Variants in MAF observed in about 807,000 individuals in gnomAD.
MAF encodes transcription factor Maf.
In MAF, 10 loss-of-function variants were observed where a neutral mutation model predicts 22.0. The observed-to-expected ratio is 0.45, with a 90% CI of 0.28 to 0.77. The LOEUF (loss-of-function observed/expected upper bound fraction) is 0.77. Ranked by LOEUF, MAF falls within the 30% of genes least tolerant of loss-of-function variation. MAF has a pLI of 0.12. For missense variants in MAF, 544 were observed against 548.4 expected (o/e 0.99, Z 0.08); for synonymous variants, 337 against 255.8 (o/e 1.32, Z -3.03).
the MAF span, among the ~76,000 whole-genome samples, chr16:79,315,194 C>T: frequency 1.3e-5 from 2 of 152,010 alleles, no homozygotes; most frequent in African/African-American, 4.8e-5. Context: ...TCATTCCTGC[C>T]CTTGTGGAGT....
At chr16:79,448,246 T>G in the MAF span, among the ~76,000 whole-genome samples, 1 of 152,130 alleles carries the variant, frequency 6.6e-6, no homozygotes, top group African/African-American at 2.4e-5. Context: ...CGTCCTATTG[T>G]AAGAAATTGC....
the MAF span, among the ~76,000 whole-genome samples, chr16:79,329,012 G>T: frequency 4.6e-5 from 7 of 151,876 alleles, no homozygotes; most frequent in South Asian, 1.3e-3. Context: ...TGAAGGAGCT[G>T]TTTTGCAAGC....
At chr16:79,557,578 G>C in the MAF span, among the ~76,000 whole-genome samples, 1 of 152,044 alleles carries the variant, frequency 6.6e-6, no homozygotes, top group Admixed American at 6.5e-5. Flanking sequence ...CAGCCCTAAA[G>C]ACTCAGCTTC....
chr16:79,208,020 C>G, the MAF span, among the ~76,000 whole-genome samples: 2 of 152,208 alleles, frequency 1.3e-5, no homozygotes, highest in East Asian at 3.8e-4. Flanking sequence ...CAACTGCTTT[C>G]TAAATCCCAC....
chr16:79,400,579 GT>G, the MAF span, among the ~76,000 whole-genome samples: 1 of 152,210 alleles, frequency 6.6e-6, no homozygotes, highest in Non-Finnish European at 1.5e-5. Context: ...TCTAAAATGG[GT>G]AGAAGAATAC....
chr16:79,570,334 C>A, the MAF span, among the ~76,000 whole-genome samples: 1 of 151,826 alleles, frequency 6.6e-6, no homozygotes, highest in African/African-American at 2.4e-5. Flanking sequence ...GCTGGCCTAT[C>A]TTCTCCCCAG....
the MAF span, among the ~76,000 whole-genome samples, chr16:79,580,200 G>C: frequency 6.6e-6 from 1 of 152,084 alleles, no homozygotes; most frequent in African/African-American, 2.4e-5. Flanking sequence ...AGCCTGATTT[G>C]AGAACTGGGT....
chr16:79,577,402 G>T, the MAF span, among the ~76,000 whole-genome samples: 1 of 152,088 alleles, frequency 6.6e-6, no homozygotes, highest in African/African-American at 2.4e-5. Context: ...TGTGGTGAAG[G>T]GTCAATTGAT....
chr16:79,212,254 T>C, the MAF span: 1 of 1,321,186 alleles, frequency 7.6e-7, no homozygotes, highest in South Asian at 1.6e-5. Flanking sequence ...ATCCAGGAGA[T>C]AATTGTTTCA....
At chr16:79,386,098 C>A in the MAF span, among the ~76,000 whole-genome samples, 8 of 152,148 alleles carry the variant, frequency 5.3e-5, no homozygotes, top group African/African-American at 7.2e-5. Flanking sequence ...CAGTCCCCAA[C>A]CTTTTTGGCA....
chr16:79,242,961 A>C, the MAF span, among the ~76,000 whole-genome samples: 3 of 152,228 alleles, frequency 2.0e-5, no homozygotes, highest in Admixed American at 2.0e-4. Context: ...CTGGGTAAAT[A>C]ACAAAATGAA....
the MAF span, among the ~76,000 whole-genome samples, chr16:79,387,394 T>A: frequency 2.6e-5 from 4 of 152,152 alleles, no homozygotes; most frequent in Admixed American, 6.5e-5. Flanking sequence ...TGGAAATCCA[T>A]CCTCAGGATC....
At chr16:79,435,352 G>A in the MAF span, among the ~76,000 whole-genome samples, 1 of 152,124 alleles carries the variant, frequency 6.6e-6, no homozygotes, top group African/African-American at 2.4e-5. Context: ...TACAATGAGG[G>A]ATTGAAAGCC....
the MAF span, among the ~76,000 whole-genome samples, chr16:79,363,552 C>T: frequency 6.6e-6 from 1 of 152,122 alleles, no homozygotes; most frequent in African/African-American, 2.4e-5. Flanking sequence ...GCACTGGAAG[C>T]GTGGTTTCTA....
the MAF span, among the ~76,000 whole-genome samples, chr16:79,477,702 A>G: frequency 6.6e-6 from 1 of 151,940 alleles, no homozygotes; most frequent in Non-Finnish European, 1.5e-5. Flanking sequence ...CTTGAAATTC[A>G]TTGTGGAATT....
chr16:79,513,798 A>C, the MAF span, among the ~76,000 whole-genome samples: 1 of 152,144 alleles, frequency 6.6e-6, no homozygotes, highest in Non-Finnish European at 1.5e-5. Context: ...TATACTACCT[A>C]ATAGTATTGC....
chr16:79,421,539 T>C, the MAF span, among the ~76,000 whole-genome samples: 2 of 152,204 alleles, frequency 1.3e-5, no homozygotes, highest in South Asian at 2.1e-4. Context: ...ACTTTTAGCT[T>C]TTACAGATCG....
chr16:79,290,495 C>T, the MAF span, among the ~76,000 whole-genome samples: 13 of 152,210 alleles, frequency 8.5e-5, no homozygotes, highest in Admixed American at 4.6e-4. Context: ...AGTTTAACCA[C>T]GGGGAACTGA....
At chr16:79,283,982 A>AG in the MAF span, among the ~76,000 whole-genome samples, 7 of 77,794 alleles carry the variant, frequency 9.0e-5, no homozygotes, top group East Asian at 4.1e-4. Flanking sequence ...AAAAAAAAAA[A>AG]AAAGACAAAG....
Sources: gnomAD v4.1 joint callset for allele counts (sites outside exome capture counted in the v4.1 genomes callset) on GRCh38, gnomAD v4.1.1 for gene constraint, MANE v1.5 for transcripts, NCBI Gene and HGNC (gene_info 2026-07-23, HGNC 2026-07-21) for gene names.